TRMO: variants seen among roughly 807,000 people sequenced by gnomAD.
TRMO encodes the protein tRNA methyltransferase O, also known as tRNA (adenine(37)-N6)-methyltransferase.
In TRMO, 30 loss-of-function variants were observed where a neutral mutation model predicts 37.2. The observed-to-expected ratio is 0.81, with a 90% CI of 0.60 to 1.09. TRMO has a LOEUF of 1.09. TRMO is among the 50% of genes least tolerant of loss of function. The probability of loss-of-function intolerance (pLI) is 0.00; values close to 1 mark genes in which losing one functional copy is unlikely to be tolerated. For synonymous variants in TRMO, 239 were observed against 199.4 expected (o/e 1.20, Z -1.67); for missense variants, 552 against 549.5 (o/e 1.00, Z -0.05).
At position 97,916,319 on chromosome 9, in the gene TRMO, T is replaced by A; in HGVS notation, c.96A>T (p.Pro32=). ...ALETGNLLTE[P]VGYLESCFSA... is the part of the protein sequence containing the mutation. ...AGAAACAAGATTCCAAGTAGCCGAC[T>A]GGCTCAGTTAAAAGATTCCCTACAG... Residue 32 remains proline (P), a synonymous_variant, in exon 2 of 5, where the codon CCA becomes CCT. Transcript: ENST00000375119. The A allele has an allele frequency of 1.2e-6, 2 of 1,612,680 alleles. No homozygotes were observed. Among genetic ancestry groups the A allele is most frequent in the Non-Finnish European group, 1.7e-6 (2 of 1,179,448 alleles).
At chr9:97,910,790 T>A in intron 3 of TRMO, 174 bp from the exon 4 acceptor site, 1 of 700,344 alleles carries the variant, frequency 1.4e-6, no homozygotes, top group Non-Finnish European at 2.4e-6. Flanking sequence ...CCCATCCTCT[T>A]CTCTACCTAT....
At chr9:97,913,209 C>A (rs1285052145) in intron 3 of TRMO, 192 bp downstream of exon 3, 2 of 467,254 alleles carry the variant, frequency 4.3e-6, no homozygotes, top group Non-Finnish European at 7.9e-6. Context: ...CTCTGAGCAT[C>A]CTATGAGTTT....
At chr9:97,898,960 C>T in the TRMO span, among the ~76,000 whole-genome samples, 1 of 149,814 alleles carries the variant, frequency 6.7e-6, no homozygotes, top group Non-Finnish European at 1.5e-5. Context: ...CTGCCTCAGC[C>T]TCCCAAGTAG....
At chr9:97,903,120 T>C (rs1403772520), downstream of TRMO, among the ~76,000 whole-genome samples, 3 of 151,816 alleles carry the variant, frequency 2.0e-5, no homozygotes, top group African/African-American at 4.8e-5. Context: ...AATTTAAAAA[T>C]AGTGGGGCAT....
At chr9:97,897,222 C>A in the TRMO span, among the ~76,000 whole-genome samples, 1 of 152,160 alleles carries the variant, frequency 6.6e-6, no homozygotes, top group Non-Finnish European at 1.5e-5. Flanking sequence ...AAAAATGTAA[C>A]CTTTCTGTAT....
chr9:97,921,136 A>G (rs115327689), intron 1 of TRMO, among the ~76,000 whole-genome samples: 332 of 152,384 alleles, frequency 2.2e-3, no homozygotes, highest in African/African-American at 7.8e-3. Context: ...GAAATTTAAC[A>G]AAGTTCAAAC....
chr9:97,908,104 A>AC (rs1402078028), intron 4 of TRMO, among the ~76,000 whole-genome samples: 2 of 151,762 alleles, frequency 1.3e-5, no homozygotes, highest in Non-Finnish European at 2.9e-5. Context: ...ACAAAATGAG[A>AC]CCCCGTCTCT....
intron 1 of TRMO, 115 bp downstream of exon 1, chr9:97,922,303 A>C: frequency 1.4e-6 from 1 of 723,338 alleles, no homozygotes. Flanking sequence ...GCCGTAGGTA[A>C]AAGAATGACG....
intron 1 of TRMO, among the ~76,000 whole-genome samples, chr9:97,918,208 C>T (rs1826460366): frequency 6.7e-6 from 1 of 150,250 alleles, no homozygotes; most frequent in African/African-American, 2.5e-5. Context: ...TGGTGAAACC[C>T]CATCTCTACT....
downstream of TRMO, chr9:97,900,676 A>C (rs1831149900): frequency 1.6e-6 from 1 of 623,402 alleles, no homozygotes; most frequent in Admixed American, 6.3e-5. Flanking sequence ...ACCTCCACCC[A>C]ATGTACGAAA....
downstream of TRMO, among the ~76,000 whole-genome samples, chr9:97,902,015 G>A (rs1409054086): frequency 1.3e-5 from 2 of 152,202 alleles, no homozygotes; most frequent in Non-Finnish European, 2.9e-5. Context: ...GAAAACGGGG[G>A]TGCTCAGCCT....
chr9:97,913,303 G>A lies in TRMO; in HGVS notation c.409+98C>T, dbSNP rs1826210557. 3.7e-6 allele frequency: 5 copies of A among 1,369,114 alleles called. No homozygotes were observed. In the African/African-American group the frequency reaches 7.6e-5, roughly 21 times the overall value. 84.8% of individuals were successfully genotyped at this position (1,369,114 alleles called of 1,614,324 possible). A position where few individuals can be genotyped will look rare whatever the true frequency, so the allele number is the denominator to read the frequency against. On this transcript the variant is annotated intron_variant, in intron 3 of 4. Coordinates refer to ENST00000375119, the MANE Select transcript of TRMO (RefSeq NM_016481.5). ...GTGGTTCTCAGGAGTTAACATCATT[G>A]GTACTCGTCTGAATAAACAGCCAGT...
intron 1 of TRMO, among the ~76,000 whole-genome samples, chr9:97,921,110 G>A (rs1409831331): frequency 6.6e-6 from 1 of 152,232 alleles, no homozygotes; most frequent in Non-Finnish European, 1.5e-5. Flanking sequence ...ATTTGGCCAG[G>A]TAATAGCACT....
intron 4 of TRMO, among the ~76,000 whole-genome samples, chr9:97,908,761 T>C (rs1825976923): frequency 6.6e-6 from 1 of 152,254 alleles, no homozygotes; most frequent in African/African-American, 2.4e-5. Flanking sequence ...GCAAGCTCCA[T>C]GACAGCAGGG....
intron 3 of TRMO, chr9:97,911,204 G>A: frequency 4.8e-6 from 1 of 208,838 alleles, no homozygotes; most frequent in Non-Finnish European, 1.0e-5. Context: ...ACAGAATATG[G>A]CAAAAGAGGT....
At chr9:97,901,398 A>G (rs1243316722), downstream of TRMO, among the ~76,000 whole-genome samples, 3 of 151,992 alleles carry the variant, frequency 2.0e-5, no homozygotes, top group Non-Finnish European at 4.4e-5. Context: ...TGATGTACTC[A>G]CCTCCCACTT....
At chr9:97,920,083 GTCT>G (rs1164279350) in intron 1 of TRMO, among the ~76,000 whole-genome samples, 3 of 152,158 alleles carry the variant, frequency 2.0e-5, no homozygotes, top group South Asian at 2.1e-4. Flanking sequence ...GGGAATTCTG[GTCT>G]TCTTCTTCTT....
At chr9:97,898,132 AGTATATCACT>A in the TRMO span, among the ~76,000 whole-genome samples, 1 of 152,180 alleles carries the variant, frequency 6.6e-6, no homozygotes, top group African/African-American at 2.4e-5. Context: ...AAAAACAGAG[AGTATATCACT>A]GAGTTTTTGC....
At position 97,913,173 on chromosome 9, in the gene TRMO, T is replaced by G. The variant is rs1187578573; in HGVS notation, c.409+228A>C. On this transcript the variant is annotated intron_variant, in intron 3 of 4. Transcript: ENST00000375119. Reference sequence around the variant, plus strand: ...TTATTTCTAAATAATTTAATAGTTTTGGATATATGCAATAATATAAACAAG... The same window carrying G: ...TTATTTCTAAATAATTTAATAGTTTGGGATATATGCAATAATATAAACAAG... The G allele has an allele frequency of 2.8e-5, 14 of 508,574 alleles. 1 individual carries two copies. Among genetic ancestry groups the G allele is most frequent in the Middle Eastern group, 4.2e-4 (1 of 2,364 alleles). The allele number at this position is 508,574 out of a possible 1,614,324, so 31.5% of individuals were successfully genotyped here. A position where few individuals can be genotyped will look rare whatever the true frequency, so the allele number is the denominator to read the frequency against.
Sources: allele counts gnomAD v4.1 joint callset (sites outside exome capture counted in the v4.1 genomes callset), GRCh38; gene constraint gnomAD v4.1.1; transcripts MANE v1.5; gene names NCBI Gene and HGNC (gene_info 2026-07-23, HGNC 2026-07-21).